CSGALNACT1: variants seen among roughly 807,000 people sequenced by gnomAD.
CSGALNACT1 encodes chondroitin sulfate N-acetylgalactosaminyltransferase 1.
In CSGALNACT1, 52 loss-of-function variants were observed where a neutral mutation model predicts 51.0. That is an observed-to-expected ratio of 1.02 (90% CI 0.82 to 1.29). CSGALNACT1 has a LOEUF of 1.29. Ranked by LOEUF, CSGALNACT1 falls within the 50% of genes most tolerant of loss-of-function variation. The pLI is 0.00. For synonymous variants in CSGALNACT1, 341 were observed against 254.4 expected (o/e 1.34, Z -3.24); for missense variants, 935 against 679.2 (o/e 1.38, Z -4.19).
At chr8:19,483,273 T>C (rs2071949154) in intron 4 of CSGALNACT1, among the ~76,000 whole-genome samples, 1 of 152,212 alleles carries the variant, frequency 6.6e-6, no homozygotes, top group South Asian at 2.1e-4. Flanking sequence ...CACCCTTCTG[T>C]TTAAGCCCTT....
intron 1 of CSGALNACT1, among the ~76,000 whole-genome samples, chr8:19,617,292 G>A (rs943264247): frequency 5.3e-5 from 8 of 152,150 alleles, no homozygotes; most frequent in Non-Finnish European, 8.8e-5. Flanking sequence ...CTCGCCTGCC[G>A]TTCACCTTCT....
intron 1 of CSGALNACT1, among the ~76,000 whole-genome samples, chr8:19,689,563 G>C (rs568009772): frequency 1.3e-5 from 2 of 152,286 alleles, no homozygotes; most frequent in South Asian, 2.1e-4. Context: ...GACTATAAAA[G>C]ATTCTGGCTT....
chr8:19,659,851 T>C (rs368238199), intron 1 of CSGALNACT1, among the ~76,000 whole-genome samples: 1 of 152,180 alleles, frequency 6.6e-6, no homozygotes, highest in African/African-American at 2.4e-5. Flanking sequence ...AGATCGCTGC[T>C]TCCTGCTAAT....
chr8:19,596,435 A>C (rs925885294), intron 2 of CSGALNACT1, among the ~76,000 whole-genome samples: 2 of 152,142 alleles, frequency 1.3e-5, no homozygotes, highest in African/African-American at 2.4e-5. Context: ...GTGACAGAAC[A>C]AACATTTCTG....
chr8:19,513,463 T>TATATATATATATATATATA (rs1563834590), intron 3 of CSGALNACT1, among the ~76,000 whole-genome samples: 57 of 143,482 alleles, frequency 4.0e-4, no homozygotes, highest in Non-Finnish European at 4.4e-4. Context: ...TATATATATA[T>TATATATATATATATATATA]TTTGTGCCAT....
chr8:19,719,448 A>G (rs138314391), intron 1 of CSGALNACT1, among the ~76,000 whole-genome samples: 3 of 152,334 alleles, frequency 2.0e-5, no homozygotes, highest in Admixed American at 6.5e-5. Flanking sequence ...ATGACCAACC[A>G]AAACTCAGGA....
At chr8:19,478,498 C>G (rs1034145554) in intron 4 of CSGALNACT1, among the ~76,000 whole-genome samples, 3 of 151,686 alleles carry the variant, frequency 2.0e-5, no homozygotes, top group Non-Finnish European at 4.4e-5. Flanking sequence ...GTGGTGTAGC[C>G]TCGACTCCCC....
chr8:19,751,234 C>T (rs1246527709), intron 1 of CSGALNACT1, among the ~76,000 whole-genome samples: 1 of 152,142 alleles, frequency 6.6e-6, no homozygotes, highest in Non-Finnish European at 1.5e-5. Context: ...CACTTACTAG[C>T]TGACCTTGAC....
chr8:19,704,405 G>A (rs965914138), intron 1 of CSGALNACT1, among the ~76,000 whole-genome samples: 1 of 152,204 alleles, frequency 6.6e-6, no homozygotes. Context: ...AGATGGCTGT[G>A]ATGAAAAAGT....
intron 6 of CSGALNACT1, among the ~76,000 whole-genome samples, chr8:19,433,588 A>G (rs559867229): frequency 6.6e-6 from 1 of 152,326 alleles, no homozygotes; most frequent in African/African-American, 2.4e-5. Context: ...TACTTTCTGC[A>G]TTGGAAGAGC....
rs192678760 is a variant in CSGALNACT1 at position 19,470,735 on chromosome 8, G to A, written c.635-12093C>T. On this transcript the variant is annotated intron_variant, in intron 4 of 9. Transcript: ENST00000454498. ...GGCCACTTCCTGATGATCCACACCC[G>A]TTAACATCAAAATGCTAACTGAACG... 6.6e-5 allele frequency among the ~76,000 whole-genome samples: 10 copies of A among 152,184 alleles called. No homozygotes were observed. The East Asian group carries it at 1.4e-3, about 21-fold the overall frequency.
intron 1 of CSGALNACT1, among the ~76,000 whole-genome samples, chr8:19,675,429 C>G (rs1457823707): frequency 6.6e-6 from 1 of 152,142 alleles, no homozygotes; most frequent in East Asian, 1.9e-4. Context: ...TCTTATGAAT[C>G]AGAAAATGAG....
chr8:19,694,451 A>G (rs1018461958), intron 1 of CSGALNACT1, among the ~76,000 whole-genome samples: 1 of 152,258 alleles, frequency 6.6e-6, no homozygotes, highest in African/African-American at 2.4e-5. Flanking sequence ...TTAATTTTTC[A>G]AAAAGTTAAA....
chr8:19,718,029 G>C (rs1244006835), intron 1 of CSGALNACT1, among the ~76,000 whole-genome samples: 1 of 152,172 alleles, frequency 6.6e-6, no homozygotes, highest in African/African-American at 2.4e-5. Flanking sequence ...ATGGGCTGGG[G>C]CCTCTGCAGA....
chr8:19,666,067 C>T (rs2059151898), intron 1 of CSGALNACT1, among the ~76,000 whole-genome samples: 1 of 152,140 alleles, frequency 6.6e-6, no homozygotes, highest in Admixed American at 6.5e-5. Flanking sequence ...GGAGTTATTT[C>T]AAGTTGTTTG....
At chr8:19,552,675 A>G (rs925408146) in intron 3 of CSGALNACT1, among the ~76,000 whole-genome samples, 2 of 152,238 alleles carry the variant, frequency 1.3e-5, no homozygotes, top group Non-Finnish European at 2.9e-5. Context: ...TTCAATACTG[A>G]GATGAAAATT....
intron 3 of CSGALNACT1, among the ~76,000 whole-genome samples, chr8:19,522,233 G>A (rs1023046047): frequency 1.3e-5 from 2 of 152,182 alleles, no homozygotes; most frequent in African/African-American, 4.8e-5. Context: ...CTTTGCTGAT[G>A]AGAAAACTAC....
chr8:19,559,739 G>C (rs1468129317), intron 3 of CSGALNACT1, among the ~76,000 whole-genome samples: 1 of 152,170 alleles, frequency 6.6e-6, no homozygotes, highest in East Asian at 1.9e-4. Flanking sequence ...TCTAACAAAA[G>C]ACATGCAGAA....
At chr8:19,605,522 A>G (rs1039696933), upstream of CSGALNACT1, among the ~76,000 whole-genome samples, 2 of 152,192 alleles carry the variant, frequency 1.3e-5, no homozygotes, top group African/African-American at 4.8e-5. Context: ...AATGCCTAGT[A>G]TGTTCTCCAT....
Sources: gnomAD v4.1 joint callset for allele counts (sites outside exome capture counted in the v4.1 genomes callset) on GRCh38, gnomAD v4.1.1 for gene constraint, MANE v1.5 for transcripts, NCBI Gene and HGNC (gene_info 2026-07-23, HGNC 2026-07-21) for gene names.